The following GNAZ variants were observed in gnomAD, a reference collection of about 807,000 sequenced individuals.
GNAZ encodes the protein G protein subunit alpha z, also known as guanine nucleotide-binding protein G(z) subunit alpha.
A neutral mutation model predicts 25.4 loss-of-function variants in GNAZ; 3 were observed. That is an observed-to-expected ratio of 0.12 (90% CI 0.05 to 0.30). The LOEUF (loss-of-function observed/expected upper bound fraction) is 0.30. Ranked by LOEUF, GNAZ falls within the 10% of genes least tolerant of loss-of-function variation. The pLI is 1.00. For missense variants in GNAZ, 241 were observed against 501.8 expected, an observed-to-expected ratio of 0.48 and a Z score of 4.97; for synonymous variants, 211 against 205.7, an observed-to-expected ratio of 1.03 and a Z score of -0.22.
At chr22:23,086,249 G>A (rs1245386093) in intron 1 of GNAZ, among the ~76,000 whole-genome samples, 1 of 152,238 alleles carries the variant, frequency 6.6e-6, no homozygotes, top group Non-Finnish European at 1.5e-5. Flanking sequence ...GGCCCAGTTG[G>A]AGGGCTTGGT....
intron 2 of GNAZ, among the ~76,000 whole-genome samples, chr22:23,117,813 G>T (rs2069895273): frequency 6.6e-6 from 1 of 151,944 alleles, no homozygotes; most frequent in African/African-American, 2.4e-5. Context: ...TGTGTTCATG[G>T]CCAGGGACAT....
At chr22:23,090,937 CAAGT>C (rs2068953932) in intron 1 of GNAZ, among the ~76,000 whole-genome samples, 1 of 152,198 alleles carries the variant, frequency 6.6e-6, no homozygotes, top group South Asian at 2.1e-4. Flanking sequence ...CATGGTTTAG[CAAGT>C]AAGTGTGGGA....
chr22:23,074,495 C>T (rs1298084204), intron 1 of GNAZ, among the ~76,000 whole-genome samples: 2 of 152,194 alleles, frequency 1.3e-5, no homozygotes, highest in East Asian at 3.9e-4. Context: ...GGGTCTGAGA[C>T]CTGGAGAGCC....
At chr22:23,122,144 T>C (rs2070048573) in intron 2 of GNAZ, among the ~76,000 whole-genome samples, 1 of 152,214 alleles carries the variant, frequency 6.6e-6, no homozygotes, top group African/African-American at 2.4e-5. Context: ...CAGCAGCAAA[T>C]TCCAGGTAGT....
chr22:23,114,768 A>G (rs1569183767), intron 2 of GNAZ, among the ~76,000 whole-genome samples: 1 of 152,160 alleles, frequency 6.6e-6, no homozygotes, highest in Non-Finnish European at 1.5e-5. Context: ...TTGGGCCTGC[A>G]TTGGCCACTC....
intron 2 of GNAZ, among the ~76,000 whole-genome samples, chr22:23,119,475 T>C (rs957096966): frequency 6.6e-6 from 1 of 152,210 alleles, no homozygotes; most frequent in Non-Finnish European, 1.5e-5. Flanking sequence ...GCCTCTGGTC[T>C]AGGAACAAAC....
Position 23,073,400 on chromosome 22 carries a change from C to T in GNAZ, c.-450+2830C>T, listed in dbSNP as rs147188685. ...GCGGCCTGGGCAGAATGAAGAGGGA[C>T]GTGGGAGCACCCAGACTGTTGTGGC... On this transcript the variant is annotated intron_variant, in intron 1 of 2. Coordinates refer to ENST00000615612, the MANE Select transcript of GNAZ (RefSeq NM_002073.4). Among the ~76,000 whole-genome samples the T allele has an allele frequency of 2.4e-3, 367 of 152,322 alleles. 2 individuals carry two copies. The highest frequency in any genetic ancestry group is 8.4e-3 in the African/African-American group (351 of 41,570).
At chr22:23,089,945 A>C (rs1408969947) in intron 1 of GNAZ, among the ~76,000 whole-genome samples, 1 of 152,170 alleles carries the variant, frequency 6.6e-6, no homozygotes, top group Non-Finnish European at 1.5e-5. Context: ...ACAGCCCACT[A>C]GGGCTTCTTG....
At chr22:23,070,750 T>A (rs1159703342) in intron 1 of GNAZ, 180 bp downstream of exon 1, 1 of 151,628 alleles carries the variant, frequency 6.6e-6, no homozygotes, top group African/African-American at 2.4e-5. Context: ...CGGGGACGCC[T>A]GCGAGGTGGG....
At chr22:23,111,363 C>T (rs1159760532) in intron 2 of GNAZ, among the ~76,000 whole-genome samples, 1 of 152,240 alleles carries the variant, frequency 6.6e-6, no homozygotes, top group Non-Finnish European at 1.5e-5. Context: ...GAGAGGCAAG[C>T]GCACTGGACT....
intron 1 of GNAZ, among the ~76,000 whole-genome samples, chr22:23,086,937 A>C (rs2068835789): frequency 1.3e-5 from 2 of 152,230 alleles, no homozygotes; most frequent in African/African-American, 4.8e-5. Context: ...GATGGGACAC[A>C]TGGCTGGGGC....
In GNAZ at chr22:23,123,844, G is replaced by A. The variant is rs1051875; in HGVS notation, c.*413G>A. The A allele has an allele frequency of 0.49, 108,253 of 220,934 alleles. 27,599 individuals are homozygous for A. The highest frequency in any genetic ancestry group is 0.58 in the Middle Eastern group (302 of 524). 13.7% of individuals were successfully genotyped at this position (220,934 alleles called of 1,614,324 possible). The stretch of plus-strand genomic sequence containing the variant: ...AAGGTAGGCCAACTGCACCCCTGTC[G>A]CCTGGAGGAGGGCCAGCTCGCTGCC... On this transcript the variant is annotated 3_prime_UTR_variant, in exon 3 of 3. Coordinates refer to ENST00000615612, the MANE Select transcript of GNAZ (RefSeq NM_002073.4).
At chr22:23,112,397 T>G (rs2069681251) in intron 2 of GNAZ, among the ~76,000 whole-genome samples, 1 of 152,092 alleles carries the variant, frequency 6.6e-6, no homozygotes, top group Non-Finnish European at 1.5e-5. Flanking sequence ...AGGGACCTGG[T>G]CAGTGGCAAT....
In GNAZ at chr22:23,085,446, G is replaced by A. The variant is rs1021679035; in HGVS notation, c.-449-9801G>A. 2.6e-5 allele frequency among the ~76,000 whole-genome samples: 4 copies of A among 152,182 alleles called. No homozygotes were observed. In the East Asian group the frequency reaches 7.7e-4, roughly 29 times the overall value. On this transcript the variant is annotated intron_variant, in intron 1 of 2. Coordinates refer to ENST00000615612, the MANE Select transcript of GNAZ (RefSeq NM_002073.4). ...TAGCAGGTTGAGTGACTGATCAGTT[G>A]CCCATACAGATCTGAGGGTGGAAGG...
chr22:23,096,038 G>A lies in GNAZ; in HGVS notation c.343G>A (p.Glu115Lys). Reference sequence around the variant, plus strand: ...GCTCTTTGCGCTGACGGGCCCCGCTGAGAGCAAGGGCGAGATCACACCCGA... The same window carrying A: ...GCTCTTTGCGCTGACGGGCCCCGCTAAGAGCAAGGGCGAGATCACACCCGA... ...VQLFALTGPA[E>K]SKGEITPELL... is the part of the protein sequence containing the mutation. Residue 115 changes from glutamate (E) to lysine (K), a missense_variant, in exon 2 of 3, where the codon GAG (glutamate) becomes AAG (lysine). Transcript: ENST00000615612. The A allele has an allele frequency of 6.2e-7, 1 of 1,606,986 alleles. No homozygotes were observed.
intron 1 of GNAZ, among the ~76,000 whole-genome samples, chr22:23,087,591 G>A (rs1336909731): frequency 6.6e-6 from 1 of 152,222 alleles, no homozygotes; most frequent in African/African-American, 2.4e-5. Context: ...AGACCGGAGT[G>A]TTATTATTAC....
Position 23,112,106 on chromosome 22 carries a change from G to T in GNAZ, c.724-10981G>T, listed in dbSNP as rs191383559. Among the ~76,000 whole-genome samples, 228 of 152,276 alleles carry T rather than the reference G, an allele frequency of 1.5e-3. 2 individuals are homozygous for T. The highest frequency in any genetic ancestry group is 5.2e-3 in the African/African-American group (215 of 41,568). On this transcript the variant is annotated intron_variant, in intron 2 of 2. Transcript: ENST00000615612. ...CAGGGACCAGGAGGGCCAGAACACAGGCACCCTCAGCCTCCTGTCTTCACC... is the reference window on the plus strand; with the variant it reads ...CAGGGACCAGGAGGGCCAGAACACATGCACCCTCAGCCTCCTGTCTTCACC...
At chr22:23,073,442 G>A (rs1251410986) in intron 1 of GNAZ, among the ~76,000 whole-genome samples, 1 of 152,230 alleles carries the variant, frequency 6.6e-6, no homozygotes, top group Non-Finnish European at 1.5e-5. Context: ...GTGGTGAGGT[G>A]AGCATTCCAG....
rs1331296322 is a variant in GNAZ at position 23,122,707 on chromosome 22, GGGGCAGCCTGTGGAT to G, written c.724-373_724-359del. 26 of 265,296 alleles carry G rather than the reference GGGGCAGCCTGTGGAT, an allele frequency of 9.8e-5. No homozygotes were observed. The East Asian group carries it at 1.1e-3, about 11-fold the overall frequency. The allele number at this position is 265,296 out of a possible 1,614,324, so 16.4% of individuals were successfully genotyped here. On this transcript the variant is annotated intron_variant, in intron 2 of 2. Transcript: ENST00000615612. ...AAGATGGCCTTCCTTGTACAGGTGTGGGGCAGCCTGTGGATGGGCAGTGGGAAGATGGGGGGTCCT... is the reference window on the plus strand; with the variant it reads ...AAGATGGCCTTCCTTGTACAGGTGTGGGGCAGTGGGAAGATGGGGGGTCCT...
Sources: allele counts gnomAD v4.1 joint callset (sites outside exome capture counted in the v4.1 genomes callset), GRCh38; gene constraint gnomAD v4.1.1; transcripts MANE v1.5; gene names NCBI Gene and HGNC (gene_info 2026-07-23, HGNC 2026-07-21).